The following FMN1 variants were observed in gnomAD, a reference collection of about 807,000 sequenced individuals.
The protein encoded by FMN1 is formin-1.
Under a neutral mutation model 132.4 loss-of-function variants are expected in FMN1, and 110 were observed. The observed-to-expected ratio is 0.83, with a 90% confidence interval of 0.71 to 0.97. The LOEUF is 0.97. Ranked by LOEUF, FMN1 falls within the 50% of genes least tolerant of loss-of-function variation. The probability of loss-of-function intolerance (pLI) is 0.00; values close to 1 mark genes in which losing one functional copy is unlikely to be tolerated. For synonymous variants in FMN1, 722 were observed against 651.7 expected, an observed-to-expected ratio of 1.11 and a Z score of -1.64; for missense variants, 1,792 against 1,705.3, an observed-to-expected ratio of 1.05 and a Z score of -0.90.
chr15:32,863,725 G>C (rs7182810), intron 16 of FMN1, among the ~76,000 whole-genome samples: 1 of 152,088 alleles, frequency 6.6e-6, no homozygotes, highest in African/African-American at 2.4e-5. Context: ...GTAAGAACAG[G>C]ACCGTCTAGT....
chr15:32,969,116 G>C lies in FMN1; in HGVS notation c.2585C>G (p.Ser862Ter). 2 of 1,613,282 alleles carry C rather than the reference G, an allele frequency of 1.2e-6. No individual in the cohort carries two copies. The highest frequency in any genetic ancestry group is 1.7e-6 in the Non-Finnish European group (2 of 1,179,400). The stretch of plus-strand genomic sequence containing the variant: ...CGGAGGCAATGCCTTCTGCTGATTT[G>C]ATGCCATGCCCTCCATTGGCTGGAG... ...AALQPMEGMA[S>*]NQQKALPPPP... Residue 862 changes from serine (S) to a stop codon, truncating the protein, a stop_gained, in exon 8 of 21, where the codon TCA becomes TGA. Transcript: ENST00000616417. LOFTEE classifies it high-confidence loss of function.
intron 7 of FMN1, among the ~76,000 whole-genome samples, chr15:32,971,962 G>A (rs948073273): frequency 6.6e-6 from 1 of 152,072 alleles, no homozygotes; most frequent in Non-Finnish European, 1.5e-5. Flanking sequence ...CAGCTCTGAG[G>A]TAAGGCATTT....
At chr15:33,135,478 G>A (rs933082514) in intron 4 of FMN1, among the ~76,000 whole-genome samples, 11 of 152,212 alleles carry the variant, frequency 7.2e-5, no homozygotes, top group African/African-American at 2.7e-4. Context: ...TGCTCTGTCA[G>A]TCTGTCTTCC....
intron 4 of FMN1, among the ~76,000 whole-genome samples, chr15:33,095,999 C>T (rs1471769039): frequency 7.7e-6 from 1 of 129,292 alleles, no homozygotes; most frequent in East Asian, 3.5e-4. Context: ...AAGGTAAATA[C>T]CAAAAAAAAA....
At position 33,128,641 on chromosome 15, in the gene FMN1, G is replaced by C. The variant is rs76324235; in HGVS notation, c.1867+24407C>G. Among the ~76,000 whole-genome samples the C allele has an allele frequency of 3.0e-4, 45 of 152,308 alleles. No individual in the cohort carries two copies. In the East Asian group the frequency reaches 3.1e-3, roughly 10 times the overall value. ...TGCGGCAAGTGTTACAGCTCTTAAAGACGGTGCGTCCGGATGCTCCGGTGA... is the reference window on the plus strand; with the variant it reads ...TGCGGCAAGTGTTACAGCTCTTAAACACGGTGCGTCCGGATGCTCCGGTGA... On this transcript the variant is annotated intron_variant, in intron 4 of 20. Transcript: ENST00000616417.
intron 4 of FMN1, among the ~76,000 whole-genome samples, chr15:33,125,436 T>C (rs926722443): frequency 2.2e-5 from 3 of 136,448 alleles, no homozygotes; most frequent in Non-Finnish European, 1.6e-5. Context: ...TAAGACAATA[T>C]GTGTAGAAGA....
intron 16 of FMN1, among the ~76,000 whole-genome samples, chr15:32,866,539 A>G (rs2059397607): frequency 6.6e-6 from 1 of 152,262 alleles, no homozygotes; most frequent in South Asian, 2.1e-4. Flanking sequence ...CTAAACAATA[A>G]CAGCAACCTC....
chr15:32,822,813 T>C lies in FMN1; in HGVS notation c.3929-18481A>G, dbSNP rs1256240263. 3.3e-5 allele frequency among the ~76,000 whole-genome samples: 5 copies of C among 152,364 alleles called. No individual in the cohort carries two copies. In the Middle Eastern group the frequency reaches 0.014, roughly 415 times the overall value. ...TTTTTATGAAGGTGTCTGTATCTTA[T>C]AGTTCTCTGAGATTATAAAACACAC... is the stretch of plus-strand genomic sequence containing the variant. On this transcript the variant is annotated intron_variant, in intron 17 of 20. Coordinates refer to ENST00000616417, the MANE Select transcript of FMN1 (RefSeq NM_001277313.2).
intron 4 of FMN1, among the ~76,000 whole-genome samples, chr15:33,152,400 A>C (rs961833355): frequency 1.6e-4 from 24 of 152,212 alleles, no homozygotes; most frequent in Admixed American, 6.5e-4. Flanking sequence ...GAATAAAGTC[A>C]ATTTGTGCTT....
chr15:32,980,917 T>C (rs1013299487), intron 7 of FMN1, among the ~76,000 whole-genome samples: 2 of 152,106 alleles, frequency 1.3e-5, no homozygotes, highest in Non-Finnish European at 2.9e-5. Context: ...AGGAGGCTGA[T>C]GCATGGAAAT....
intron 2 of FMN1, among the ~76,000 whole-genome samples, chr15:33,181,748 G>A (rs536636088): frequency 2.6e-5 from 3 of 115,744 alleles, no homozygotes; most frequent in Non-Finnish European, 5.0e-5. Context: ...CCCTCTCGTT[G>A]CTCAGGCTGG....
rs755587775 is a variant in FMN1 at position 32,898,872 on chromosome 15, C to G, written c.3676G>C (p.Asp1226His). 1.3e-6 allele frequency: 2 copies of G among 1,599,354 alleles called. No individual in the cohort carries two copies. The highest frequency in any genetic ancestry group is 1.7e-6 in the Non-Finnish European group (2 of 1,168,196). ...CGCAGGTAATACTTAACAACGTAGTCCACCAGATTAATCCCATTATCCTAG... is the reference window on the plus strand; with the variant it reads ...CGCAGGTAATACTTAACAACGTAGTGCACCAGATTAATCCCATTATCCTAG... ...KSRDNGINLV[D>H]YVVKYYLRYY... Residue 1226 changes from aspartate (D) to histidine (H), a missense_variant, in exon 15 of 21, where the codon GAC (aspartate) becomes CAC (histidine). Around this residue, in one of 3 missense-constraint regions of FMN1, gnomAD observed 1,150 missense variants for 1,043.1 expected, o/e 1.10. Transcript: ENST00000616417.
At chr15:33,191,658 G>C (rs941593634) in intron 2 of FMN1, among the ~76,000 whole-genome samples, 2 of 152,184 alleles carry the variant, frequency 1.3e-5, no homozygotes, top group African/African-American at 4.8e-5. Flanking sequence ...TTGCTTTTAT[G>C]CGCTGACAAG....
intron 2 of FMN1, among the ~76,000 whole-genome samples, chr15:33,184,661 A>C (rs1325489511): frequency 6.6e-6 from 1 of 151,594 alleles, no homozygotes; most frequent in Non-Finnish European, 1.5e-5. Context: ...GCGCCACCAC[A>C]CTCAGCTAAT....
At chr15:33,081,274 G>A (rs1303815412) in intron 5 of FMN1, among the ~76,000 whole-genome samples, 2 of 152,106 alleles carry the variant, frequency 1.3e-5, no homozygotes, top group African/African-American at 4.8e-5. Flanking sequence ...GGTTGAACCT[G>A]CATTTGTAAC....
At chr15:33,048,515 T>C (rs987794471) in intron 6 of FMN1, among the ~76,000 whole-genome samples, 3 of 151,408 alleles carry the variant, frequency 2.0e-5, no homozygotes, top group African/African-American at 7.3e-5. Flanking sequence ...CAGTTACCAT[T>C]ATATCATGTA....
intron 2 of FMN1, among the ~76,000 whole-genome samples, chr15:33,185,580 T>TG (rs1422058679): frequency 6.8e-6 from 1 of 147,220 alleles, no homozygotes; most frequent in Non-Finnish European, 1.5e-5. Context: ...TTTTTTTTTT[T>TG]TTTTTTTTTT....
intron 18 of FMN1, among the ~76,000 whole-genome samples, chr15:32,799,200 G>A (rs1454431084): frequency 1.3e-5 from 2 of 152,126 alleles, no homozygotes; most frequent in African/African-American, 2.4e-5. Flanking sequence ...AAATCAGCAT[G>A]TATAATTTCT....
intron 16 of FMN1, among the ~76,000 whole-genome samples, chr15:32,870,438 C>G (rs1038948099): frequency 3.3e-5 from 5 of 152,158 alleles, no homozygotes; most frequent in Non-Finnish European, 5.9e-5. Flanking sequence ...CTTAATGTAC[C>G]ATGATTGGGA....
Sources: allele counts gnomAD v4.1 joint callset (sites outside exome capture counted in the v4.1 genomes callset), GRCh38; gene constraint gnomAD v4.1.1; regional missense constraint gnomAD v4.1.1; transcripts MANE v1.5; gene names NCBI Gene and HGNC (gene_info 2026-07-23, HGNC 2026-07-21).